Variants in CPE observed in about 807,000 individuals in gnomAD.
CPE encodes carboxypeptidase E.
A neutral mutation model predicts 53.5 loss-of-function variants in CPE; 17 were observed. The observed-to-expected ratio is 0.32, with a 90% CI of 0.22 to 0.48. CPE has a LOEUF of 0.48. Among genes scored for constraint, CPE ranks in the 20% least tolerant of loss-of-function variants. CPE has a pLI of 0.99. For synonymous variants in CPE, 226 were observed against 228.8 expected, an observed-to-expected ratio of 0.99 and a Z score of 0.11; for missense variants, 524 against 614.7, an observed-to-expected ratio of 0.85 and a Z score of 1.56.
intron 3 of CPE, among the ~76,000 whole-genome samples, chr4:165,471,284 C>T (rs1732201857): frequency 6.6e-6 from 1 of 151,992 alleles, no homozygotes; most frequent in Non-Finnish European, 1.5e-5. Context: ...GAGCTGTGGC[C>T]AGAGATCACT....
intron 1 of CPE, among the ~76,000 whole-genome samples, chr4:165,423,921 A>G (rs1731272567): frequency 6.7e-6 from 1 of 150,306 alleles, no homozygotes; most frequent in African/African-American, 2.5e-5. Flanking sequence ...GCGATAGTTT[A>G]CTGAGAATGA....
chr4:165,424,635 G>A (rs897090382), intron 1 of CPE, among the ~76,000 whole-genome samples: 1 of 151,582 alleles, frequency 6.6e-6, no homozygotes, highest in Non-Finnish European at 1.5e-5. Context: ...CTGGGTTCAC[G>A]CCATTCTCCT....
intron 1 of CPE, among the ~76,000 whole-genome samples, chr4:165,414,406 C>G (rs2126669569): frequency 6.6e-6 from 1 of 152,228 alleles, no homozygotes; most frequent in East Asian, 1.9e-4. Context: ...TCAGAGTATA[C>G]TTGTACACAC....
At chr4:165,448,496 C>T (rs1483352859) in intron 1 of CPE, among the ~76,000 whole-genome samples, 1 of 152,166 alleles carries the variant, frequency 6.6e-6, no homozygotes, top group African/African-American at 2.4e-5. Context: ...ACCATGGCTG[C>T]ATCATCTTCT....
At chr4:165,390,882 A>G (rs1730669054) in intron 1 of CPE, among the ~76,000 whole-genome samples, 1 of 152,164 alleles carries the variant, frequency 6.6e-6, no homozygotes, top group Non-Finnish European at 1.5e-5. Flanking sequence ...TCTCTCCAGC[A>G]GTGGGAAACA....
At chr4:165,464,828 A>C (rs1195000786) in intron 2 of CPE, among the ~76,000 whole-genome samples, 1 of 152,174 alleles carries the variant, frequency 6.6e-6, no homozygotes, top group Non-Finnish European at 1.5e-5. Context: ...TAATGTTCTA[A>C]TAGTGTTCTG....
At chr4:165,456,893 A>C (rs1185410146) in intron 1 of CPE, among the ~76,000 whole-genome samples, 2 of 151,626 alleles carry the variant, frequency 1.3e-5, no homozygotes, top group Admixed American at 1.3e-4. Flanking sequence ...GGCACCCACC[A>C]CCATGCCCGG....
At chr4:165,457,543 T>G (rs866892141) in intron 1 of CPE, among the ~76,000 whole-genome samples, 4 of 152,334 alleles carry the variant, frequency 2.6e-5, no homozygotes, top group Middle Eastern at 3.4e-3. Flanking sequence ...ATTTTAGATG[T>G]CATATGTAAG....
intron 1 of CPE, among the ~76,000 whole-genome samples, chr4:165,453,380 TTCTC>T (rs747306236): frequency 4.7e-5 from 7 of 150,464 alleles, no homozygotes; most frequent in African/African-American, 7.4e-5. Flanking sequence ...CTTTCTTTCT[TTCTC>T]TCTCTCTTTC....
intron 1 of CPE, among the ~76,000 whole-genome samples, chr4:165,434,013 C>G (rs139619189): frequency 6.6e-6 from 1 of 152,258 alleles, no homozygotes; most frequent in African/African-American, 2.4e-5. Flanking sequence ...CTTGACTTTC[C>G]TAACCCCTGC....
In CPE at chr4:165,379,308, G is replaced by T. The variant is rs778940259; in HGVS notation, c.87G>T (p.Glu29Asp). 3 of 1,547,804 alleles carry T rather than the reference G, an allele frequency of 1.9e-6. No individual in the cohort carries two copies. Among genetic ancestry groups the T allele is most frequent in the South Asian group, 1.2e-5 (1 of 84,974 alleles). The change falls in exon 1 of 9, where the codon GAG becomes GAT. Residue 29 changes from glutamate to aspartate, a missense_variant. By Grantham distance (45) the Glu-to-Asp change is conservative (BLOSUM62 2). Transcript: ENST00000402744. The surrounding 1 kb of genome is among the most constrained non-coding windows in gnomAD (Gnocchi z 6.0). ...CGWLLGAEAQ[E>D]PGAPAAGMRR... Reference sequence around the variant, plus strand: ...GGCTCCTGGGCGCCGAAGCCCAGGAGCCCGGGGCGCCCGCGGCGGGCATGA... The same window carrying T: ...GGCTCCTGGGCGCCGAAGCCCAGGATCCCGGGGCGCCCGCGGCGGGCATGA...
intron 1 of CPE, chr4:165,386,255 G>A (rs754769456): frequency 3.8e-6 from 2 of 522,652 alleles, no homozygotes; most frequent in Non-Finnish European, 3.9e-6. Flanking sequence ...TAAATCTATA[G>A]ACAAAATACA....
At chr4:165,465,836 C>T (rs1490920517) in intron 2 of CPE, among the ~76,000 whole-genome samples, 1 of 151,890 alleles carries the variant, frequency 6.6e-6, no homozygotes, top group Non-Finnish European at 1.5e-5. Context: ...AGTTATTCTT[C>T]TAAATATTTA....
intron 1 of CPE, among the ~76,000 whole-genome samples, chr4:165,381,643 A>G (rs552633690): frequency 6.6e-6 from 1 of 152,322 alleles, no homozygotes; most frequent in Non-Finnish European, 1.5e-5. Context: ...AAACTATTAT[A>G]AACCAACACT....
At chr4:165,453,340 C>T (rs1731846531) in intron 1 of CPE, among the ~76,000 whole-genome samples, 2 of 144,908 alleles carry the variant, frequency 1.4e-5, no homozygotes, top group South Asian at 2.2e-4. Context: ...TCTTTCCTTC[C>T]TTCCTTCCTT....
At chr4:165,411,691 A>AG (rs2126668065) in intron 1 of CPE, among the ~76,000 whole-genome samples, 1 of 152,298 alleles carries the variant, frequency 6.6e-6, no homozygotes, top group East Asian at 1.9e-4. Context: ...TGTGGAATGT[A>AG]GGGCACATGG....
In CPE at chr4:165,463,322, A is replaced by T. The variant is rs1361157045; in HGVS notation, c.308-1068A>T. On this transcript the variant is annotated intron_variant, in intron 1 of 8. Transcript: ENST00000402744. ...GTCATGTAATAATAATATTAAAGAA[A>T]ATTATAGGAAACATATAGCACTTGC... 2.0e-5 allele frequency among the ~76,000 whole-genome samples: 3 copies of T among 152,208 alleles called. No individual in the cohort carries two copies. The East Asian group carries it at 5.8e-4, about 29-fold the overall frequency.
intron 1 of CPE, chr4:165,415,158 T>C (rs892165186): frequency 7.2e-5 from 11 of 152,160 alleles, no homozygotes. Context: ...GACCTTCTGA[T>C]TGGTGGAAAA....
chr4:165,448,137 C>T lies in CPE; in HGVS notation c.308-16253C>T, dbSNP rs531097141. On this transcript the variant is annotated intron_variant, in intron 1 of 8. Coordinates refer to ENST00000402744, the MANE Select transcript of CPE (RefSeq NM_001873.4). Reference sequence around the variant, plus strand: ...TATTTATAAAAGGAATTGTTACCCACTATTATAAAGAATAAGATCTAAGTG... The same window carrying T: ...TATTTATAAAAGGAATTGTTACCCATTATTATAAAGAATAAGATCTAAGTG... 2.6e-5 allele frequency among the ~76,000 whole-genome samples: 4 copies of T among 152,122 alleles called. No individual in the cohort carries two copies. In the South Asian group the frequency reaches 8.3e-4, roughly 32 times the overall value.
Sources: allele counts gnomAD v4.1 joint callset (sites outside exome capture counted in the v4.1 genomes callset), GRCh38; gene constraint gnomAD v4.1.1; non-coding constraint Gnocchi (gnomAD v3.1); transcripts MANE v1.5; gene names NCBI Gene and HGNC (gene_info 2026-07-23, HGNC 2026-07-21).